Variants in PRH1 observed in about 807,000 individuals in gnomAD.
PRH1 encodes proline rich protein HaeIII subfamily 1.
PRH1 carries 7 observed loss-of-function variants against 7.9 expected under a neutral mutation model. That is an observed-to-expected ratio of 0.89 (90% CI 0.50 to 1.67). The LOEUF is 1.67. Among genes scored for constraint, PRH1 ranks in the 40% most tolerant of loss-of-function variants. The pLI, the probability that PRH1 is intolerant of heterozygous loss-of-function variation, is 0.00. For missense variants in PRH1, 109 were observed against 223.6 expected, an observed-to-expected ratio of 0.49 and a Z score of 3.27; for synonymous variants, 45 against 80.8, an observed-to-expected ratio of 0.56 and a Z score of 2.38.
At chr12:11,031,081 A>G (rs1283645972) in intron 1 of PRH1, 6 of 1,614,174 alleles carry the variant, frequency 3.7e-6, no homozygotes, top group African/African-American at 1.3e-5. Context: ...CCCAGACATT[A>G]TAAGCAGTAG....
intron 1 of PRH1, among the ~76,000 whole-genome samples, chr12:11,038,633 C>T (rs78117003): frequency 0.16 from 19,691 of 121,656 alleles, no homozygotes; most frequent in East Asian, 0.44. Flanking sequence ...TAATTTTGAT[C>T]ACTGTATAGT....
At chr12:11,146,365 C>T (rs770260476) in intron 1 of PRH1, among the ~76,000 whole-genome samples, 4 of 152,114 alleles carry the variant, frequency 2.6e-5, no homozygotes, top group Non-Finnish European at 5.9e-5. Flanking sequence ...TAACATCTTA[C>T]ATGTATACCT....
intron 1 of PRH1, among the ~76,000 whole-genome samples, chr12:11,010,096 T>C (rs1406088204): frequency 6.6e-6 from 1 of 152,016 alleles, no homozygotes; most frequent in African/African-American, 2.4e-5. Flanking sequence ...TGGATTAGTT[T>C]AAGGTCATCT....
chr12:11,152,911 CT>C (rs1195824222), intron 1 of PRH1, among the ~76,000 whole-genome samples: 1 of 152,150 alleles, frequency 6.6e-6, no homozygotes, highest in African/African-American at 2.4e-5. Context: ...CAGAATGAGA[CT>C]GTGGATCATG....
intron 2 of PRH1, chr12:10,929,148 C>T: frequency 8.6e-7 from 1 of 1,165,522 alleles, no homozygotes; most frequent in African/African-American, 1.5e-5. Context: ...AGAACCCAGT[C>T]TCTGAGGCGA....
In PRH1 at chr12:10,938,583, G is replaced by C. The variant is rs779911373; in HGVS notation, c.-59+35072C>G. ...TTGACAGTGTGCTGCATCTTCTTGC[G>C]ATGTTTCCACATGGAGAAGATGAGG... is the stretch of plus-strand genomic sequence containing the variant. On this transcript the variant is annotated intron_variant, in intron 2 of 3. Transcript: ENST00000539853. 5.0e-6 allele frequency: 8 copies of C among 1,613,800 alleles called. No individual in the cohort carries two copies. In the African/African-American group the frequency reaches 1.1e-4, roughly 22 times the overall value.
chr12:11,157,755 T>G (rs1359810927), intron 1 of PRH1, among the ~76,000 whole-genome samples: 2 of 152,198 alleles, frequency 1.3e-5, no homozygotes, highest in Non-Finnish European at 2.9e-5. Context: ...TACCTAGACA[T>G]TCTCCAAATC....
At chr12:10,885,167 A>T (rs1023621361), upstream of PRH1, among the ~76,000 whole-genome samples, 3 of 152,204 alleles carry the variant, frequency 2.0e-5, no homozygotes, top group Admixed American at 6.5e-5. Flanking sequence ...ACAATTATAC[A>T]TTCATCTAAG....
rs1947750349 is a variant in PRH1 at position 11,169,613 on chromosome 12, T to A, written n.39+1809A>T. ...ATGAGTCCACATAGCTTTACATATTTGGAAATGAAAAATCCAGGACGTAAT... is the reference window on the plus strand; with the variant it reads ...ATGAGTCCACATAGCTTTACATATTAGGAAATGAAAAATCCAGGACGTAAT... On this transcript the variant is annotated intron_variant and non_coding_transcript_variant, in intron 1 of 1. Transcript: ENST00000541175. Among the ~76,000 whole-genome samples, 2 of 126,514 alleles carry A rather than the reference T, an allele frequency of 1.6e-5. 1 individual carries two copies. The highest frequency in any genetic ancestry group is 4.5e-4 in the South Asian group (2 of 4,454). 83.0% of individuals were successfully genotyped at this position (126,514 alleles called of 152,430 possible).
intron 1 of PRH1, among the ~76,000 whole-genome samples, chr12:11,008,290 G>A (rs957549542): frequency 6.6e-6 from 1 of 151,944 alleles, no homozygotes; most frequent in Middle Eastern, 3.2e-3. Flanking sequence ...TAATTTCTAT[G>A]AGACATTTCT....
At chr12:10,926,153 A>G (rs922718064) in intron 2 of PRH1, among the ~76,000 whole-genome samples, 5 of 152,224 alleles carry the variant, frequency 3.3e-5, no homozygotes, top group African/African-American at 1.2e-4. Context: ...AGACAAGTCA[A>G]AGCAAAGTTG....
At chr12:11,141,038 A>C (rs1254084919) in intron 1 of PRH1, among the ~76,000 whole-genome samples, 2 of 152,126 alleles carry the variant, frequency 1.3e-5, no homozygotes, top group Non-Finnish European at 2.9e-5. Context: ...CAAGCTCATT[A>C]ATACAAACAC....
At chr12:10,949,980 T>A (rs1950544908) in intron 2 of PRH1, among the ~76,000 whole-genome samples, 1 of 152,210 alleles carries the variant, frequency 6.6e-6, no homozygotes, top group Admixed American at 6.5e-5. Flanking sequence ...TGAATTATAT[T>A]GAATATTTTT....
At chr12:11,109,368 T>G (rs2600342) in intron 1 of PRH1, among the ~76,000 whole-genome samples, 69,582 of 152,020 alleles carry the variant, frequency 0.46, 16,682 homozygotes, top group Non-Finnish European at 0.53. Flanking sequence ...TGTGCCTCCT[T>G]ACTGGGAGAC....
chr12:11,058,824 A>G (rs926702780), intron 1 of PRH1, among the ~76,000 whole-genome samples: 2 of 152,202 alleles, frequency 1.3e-5, no homozygotes, highest in Admixed American at 6.5e-5. Flanking sequence ...GCAACTGTGC[A>G]AGTCATATGC....
chr12:11,076,945 T>C lies in PRH1; in HGVS notation n.124-29757A>G, dbSNP rs1380218658. On this transcript the variant is annotated intron_variant and non_coding_transcript_variant, in intron 1 of 4. Transcript: ENST00000541977. ...CAAACAATTAGGGGTTCACCAATGA[T>C]AGTTAAGTACATATATGTGATACAA... 1.7e-5 allele frequency: 2 copies of C among 115,574 alleles called. 1 individual carries two copies. Among genetic ancestry groups the C allele is most frequent in the Non-Finnish European group, 4.1e-5 (2 of 48,790 alleles). The allele number at this position is 115,574 out of a possible 1,614,324, so 7.2% of individuals were successfully genotyped here. A position where few individuals can be genotyped will look rare whatever the true frequency, so the allele number is the denominator to read the frequency against.
chr12:11,150,407 C>T (rs1463760088), intron 1 of PRH1, among the ~76,000 whole-genome samples: 4 of 152,128 alleles, frequency 2.6e-5, no homozygotes, highest in African/African-American at 9.7e-5. Context: ...ATAGCAAAGA[C>T]TTGGAACCAA....
At chr12:11,147,794 A>C (rs994522843) in intron 1 of PRH1, among the ~76,000 whole-genome samples, 2 of 152,212 alleles carry the variant, frequency 1.3e-5, no homozygotes, top group African/African-American at 4.8e-5. Flanking sequence ...ATATCAGTGA[A>C]CTTTAAAGTA....
In PRH1 at chr12:10,963,040, G is replaced by A. The variant is rs181224074; in HGVS notation, c.-59+10615C>T. Among the ~76,000 whole-genome samples, 714 of 152,314 alleles carry A rather than the reference G, an allele frequency of 4.7e-3. 6 individuals carry two copies. The highest frequency in any genetic ancestry group is 0.017 in the African/African-American group (688 of 41,562). On this transcript the variant is annotated intron_variant, in intron 2 of 3. Coordinates refer to the PRH1 transcript ENST00000539853. ...CCACCTCGGCCTCTCAAAGTGCTGG[G>A]ATTATAGGCGTGAGCCACCGACCCC...
Sources: allele counts gnomAD v4.1 joint callset (sites outside exome capture counted in the v4.1 genomes callset), GRCh38; gene constraint gnomAD v4.1.1; transcripts MANE v1.5; gene names NCBI Gene and HGNC (gene_info 2026-07-23, HGNC 2026-07-21).